Variants in RIMS2 observed in about 807,000 individuals in gnomAD.
RIMS2 encodes regulating synaptic membrane exocytosis protein 2.
RIMS2 carries 59 observed loss-of-function variants against 174.4 expected under a neutral mutation model. The observed-to-expected ratio is 0.34, with a 90% CI of 0.27 to 0.42. The LOEUF (loss-of-function observed/expected upper bound fraction) is 0.42. RIMS2 is among the 10% of genes least tolerant of loss of function. RIMS2 has a pLI of 1.00. For synonymous variants in RIMS2, 606 were observed against 572.5 expected, an observed-to-expected ratio of 1.06 and a Z score of -0.84; for missense variants, 1,620 against 1,666.3, an observed-to-expected ratio of 0.97 and a Z score of 0.48.
intron 19 of RIMS2, among the ~76,000 whole-genome samples, chr8:104,077,393 A>G (rs1474955975): frequency 6.6e-6 from 1 of 151,926 alleles, no homozygotes; most frequent in African/African-American, 2.4e-5. Context: ...CTTTAAGGTA[A>G]TCTTAAAAAC....
intron 19 of RIMS2, 104 bp from the exon 24 acceptor site, chr8:104,093,367 G>C (rs1318751802): frequency 1.3e-6 from 1 of 783,078 alleles, no homozygotes; most frequent in African/African-American, 1.8e-5. Context: ...GGATTTTGCA[G>C]TTTCCTCTGT....
At chr8:104,204,618 T>G (rs1202817129) in intron 19 of RIMS2, among the ~76,000 whole-genome samples, 1 of 152,056 alleles carries the variant, frequency 6.6e-6, no homozygotes, top group Non-Finnish European at 1.5e-5. Flanking sequence ...CCTCAACCTC[T>G]AGAGCACCTG....
chr8:103,602,890 T>A (rs1230318964), intron 1 of RIMS2, among the ~76,000 whole-genome samples: 1 of 152,226 alleles, frequency 6.6e-6, no homozygotes, highest in East Asian at 1.9e-4. Context: ...TCACACTGCT[T>A]TCCACAATGG....
At chr8:103,586,682 A>G (rs1346019124) in intron 1 of RIMS2, among the ~76,000 whole-genome samples, 1 of 152,124 alleles carries the variant, frequency 6.6e-6, no homozygotes, top group Non-Finnish European at 1.5e-5. Context: ...ATCTTAAAGA[A>G]CTAGAAAAGC....
chr8:103,660,253 G>A (rs1343596678), intron 1 of RIMS2, among the ~76,000 whole-genome samples: 4 of 152,238 alleles, frequency 2.6e-5, no homozygotes, highest in South Asian at 4.1e-4. Context: ...GAGGCAGCCC[G>A]TGGTGAGGCT....
intron 1 of RIMS2, among the ~76,000 whole-genome samples, chr8:103,553,568 C>T (rs1411588606): frequency 6.6e-6 from 1 of 152,012 alleles, no homozygotes; most frequent in Non-Finnish European, 1.5e-5. Context: ...GCATGTTGTG[C>T]TCATGTACCT....
intron 3 of RIMS2, among the ~76,000 whole-genome samples, chr8:103,770,867 A>T (rs1218197212): frequency 6.6e-6 from 1 of 152,166 alleles, no homozygotes; most frequent in African/African-American, 2.4e-5. Context: ...TGCTAGAAAT[A>T]TAATTTCAGT....
intron 14 of RIMS2, among the ~76,000 whole-genome samples, chr8:103,959,484 G>A (rs1161812811): frequency 2.6e-5 from 4 of 151,714 alleles, no homozygotes; most frequent in African/African-American, 4.8e-5. Context: ...GTGCAGTGGC[G>A]TGATCTTGGC....
At chr8:103,992,587 A>C (rs1052557344) in intron 17 of RIMS2, among the ~76,000 whole-genome samples, 4 of 152,172 alleles carry the variant, frequency 2.6e-5, no homozygotes, top group African/African-American at 9.7e-5. Flanking sequence ...GATATTCATT[A>C]ATAGTACTTG....
At chr8:103,920,132 G>T (rs2077327132) in intron 9 of RIMS2, among the ~76,000 whole-genome samples, 1 of 152,058 alleles carries the variant, frequency 6.6e-6, no homozygotes. Context: ...GAGGAGACAG[G>T]GGTCCTTTCT....
intron 1 of RIMS2, among the ~76,000 whole-genome samples, chr8:103,650,759 G>A (rs1220664676): frequency 6.6e-6 from 1 of 152,170 alleles, no homozygotes; most frequent in Non-Finnish European, 1.5e-5. Flanking sequence ...CTTCAAAGTT[G>A]GCAGGCTGAA....
At chr8:103,637,527 AC>A (rs2096117126) in intron 1 of RIMS2, among the ~76,000 whole-genome samples, 1 of 152,198 alleles carries the variant, frequency 6.6e-6, no homozygotes, top group Non-Finnish European at 1.5e-5. Context: ...TATAGAATTC[AC>A]CATTGAAGCC....
chr8:103,975,619 T>C lies in RIMS2; in HGVS notation c.2927+113T>C, dbSNP rs533127364. The C allele has an allele frequency of 2.6e-5, 18 of 685,476 alleles. No individual in the cohort carries two copies. In the Admixed American group the frequency reaches 4.3e-4, roughly 16 times the overall value. The allele number at this position is 685,476 out of a possible 1,614,324, so 42.5% of individuals were successfully genotyped here. A position where few individuals can be genotyped will look rare whatever the true frequency, so the allele number is the denominator to read the frequency against. Reference sequence around the variant, plus strand: ...ACGAAAGGGAGTTTATTAGGGAGAATTGGCTCATATGATTATAAGACAAAG... The same window carrying C: ...ACGAAAGGGAGTTTATTAGGGAGAACTGGCTCATATGATTATAAGACAAAG... On this transcript the variant is annotated intron_variant, in intron 16 of 23. Transcript: ENST00000504942.
At chr8:104,232,870 G>A (rs1028368350) in intron 19 of RIMS2, among the ~76,000 whole-genome samples, 1 of 113,718 alleles carries the variant, frequency 8.8e-6, no homozygotes, top group African/African-American at 4.4e-5. Flanking sequence ...TTGAAGGATG[G>A]GATATGGGAT....
intron 17 of RIMS2, chr8:103,998,201 C>A (rs759204187): frequency 2.5e-6 from 4 of 1,607,544 alleles, no homozygotes; most frequent in Non-Finnish European, 3.4e-6. Flanking sequence ...TCTTACTCTA[C>A]CTCGCTCCAG....
intron 17 of RIMS2, among the ~76,000 whole-genome samples, chr8:103,990,895 A>G (rs2094647339): frequency 6.6e-6 from 1 of 151,952 alleles, no homozygotes; most frequent in African/African-American, 2.4e-5. Flanking sequence ...AATAAAATTA[A>G]CATCTAGAAT....
chr8:103,643,088 C>G (rs999313185), intron 1 of RIMS2, among the ~76,000 whole-genome samples: 1 of 151,612 alleles, frequency 6.6e-6, no homozygotes, highest in Non-Finnish European at 1.5e-5. Flanking sequence ...TATGCTGTTC[C>G]ATCTTTTTCA....
At chr8:103,728,511 C>G (rs13273076) in intron 2 of RIMS2, among the ~76,000 whole-genome samples, 1 of 152,034 alleles carries the variant, frequency 6.6e-6, no homozygotes, top group Non-Finnish European at 1.5e-5. Flanking sequence ...TGTTCCAGAT[C>G]TAAGGGGAAA....
intron 14 of RIMS2, among the ~76,000 whole-genome samples, chr8:103,959,186 T>C (rs1251077356): frequency 6.8e-6 from 1 of 147,856 alleles, no homozygotes; most frequent in Non-Finnish European, 1.5e-5. Context: ...AGACTTTGGT[T>C]TTATCACACC....
Sources: allele counts gnomAD v4.1 joint callset (sites outside exome capture counted in the v4.1 genomes callset), GRCh38; gene constraint gnomAD v4.1.1; transcripts MANE v1.5; gene names NCBI Gene and HGNC (gene_info 2026-07-23, HGNC 2026-07-21).